Variants in CHRDL1 observed in about 807,000 individuals in gnomAD.
The protein encoded by CHRDL1 is chordin like 1.
Under a neutral mutation model 40.9 loss-of-function variants are expected in CHRDL1, and 19 were observed. The ratio of observed to expected loss-of-function variants is 0.46; its 90% confidence interval spans 0.32 to 0.68. The LOEUF is 0.68. CHRDL1 is among the 30% of genes least tolerant of loss of function. CHRDL1 has a pLI of 0.03. For synonymous variants in CHRDL1, 136 were observed against 123.4 expected, an observed-to-expected ratio of 1.10 and a Z score of -0.68; for missense variants, 329 against 352.1, an observed-to-expected ratio of 0.93 and a Z score of 0.53.
chrX:110,686,378 G>A (rs2070015376), intron 9 of CHRDL1, among the ~76,000 whole-genome samples: 1 of 111,729 alleles, frequency 9.0e-6, no homozygotes, highest in Non-Finnish European at 1.9e-5. Flanking sequence ...GATTCAAATT[G>A]GAATATTATA....
chrX:110,788,393 TG>T (rs2090048676), intron 2 of CHRDL1, among the ~76,000 whole-genome samples: 1 of 111,732 alleles, frequency 8.9e-6, no homozygotes, highest in African/African-American at 3.3e-5. Context: ...TTGACCATAA[TG>T]GCATCCCCCG....
chrX:110,683,257 C>G (rs1178215931), intron 9 of CHRDL1, among the ~76,000 whole-genome samples: 1 of 111,249 alleles, frequency 9.0e-6, no homozygotes, highest in Non-Finnish European at 1.9e-5. Context: ...CTTGAAAATG[C>G]TAAGAAAAGC....
At chrX:110,681,793 T>A (rs2069903667) in intron 9 of CHRDL1, 144 bp from the exon 10 acceptor site, 1 of 481,377 alleles carries the variant, frequency 2.1e-6, no homozygotes, top group Admixed American at 3.8e-5. Context: ...GAGACAGAAA[T>A]TCCACCCATA....
At chrX:110,716,241 C>G (rs1287666199) in intron 6 of CHRDL1, among the ~76,000 whole-genome samples, 1 of 110,910 alleles carries the variant, frequency 9.0e-6, no homozygotes, top group East Asian at 2.8e-4. Context: ...CCATCTACCA[C>G]AGTCAATCAG....
At chrX:110,764,095 AT>A (rs766187080) in intron 2 of CHRDL1, among the ~76,000 whole-genome samples, 5 of 109,146 alleles carry the variant, frequency 4.6e-5, no homozygotes, top group African/African-American at 6.7e-5. Context: ...TTTTGATAGG[AT>A]TTTTTTTTCT....
intron 2 of CHRDL1, 122 bp downstream of exon 2, chrX:110,791,966 C>T (rs2090109542): frequency 2.2e-6 from 1 of 451,798 alleles, no homozygotes; most frequent in South Asian, 4.1e-5. Flanking sequence ...GTAACATTCA[C>T]TTTCTTCTCT....
Position 110,681,550 on chromosome X carries a change from G to T in CHRDL1, c.1088C>A (p.Thr363Asn). ...ESVFMEDGET[T>N]RKIALETERP... is the part of the protein sequence containing the mutation. ...CTCAGTCTCCAGTGCTATTTTTCTG[G>T]TTGTCTCCCCATCCTCCATGAATAC... is the stretch of plus-strand genomic sequence containing the variant. Residue 363 changes from threonine (T) to asparagine (N), a missense_variant, in exon 10 of 12, where the codon ACC becomes AAC. By Grantham distance (65) the Thr-to-Asn change is moderately conservative (BLOSUM62 0). Transcript: ENST00000372042. 1 of 1,206,386 alleles carries T rather than the reference G, an allele frequency of 8.3e-7. No homozygotes were observed.
chrX:110,679,511 T>G, intron 10 of CHRDL1, 86 bp from the exon 11 acceptor site: 1 of 621,445 alleles, frequency 1.6e-6, no homozygotes, highest in Middle Eastern at 4.3e-4. Flanking sequence ...GCTCAGCATA[T>G]CATTTCATTA....
chrX:110,701,008 T>C (rs1325750001), intron 6 of CHRDL1, among the ~76,000 whole-genome samples: 1 of 112,275 alleles, frequency 8.9e-6, no homozygotes, highest in African/African-American at 3.2e-5. Context: ...AATTTAACCA[T>C]CACTGTCACT....
rs187443552 is a variant in CHRDL1, at chrX:110,700,554, C to T, written c.609+100G>A. 280 of 565,850 alleles carry T rather than the reference C, an allele frequency of 4.9e-4. 1 individual carries two copies. Among genetic ancestry groups the T allele is most frequent in the East Asian group, 3.5e-3 (105 of 29,702 alleles). The allele number at this position is 565,850 out of a possible 1,213,427, so 46.6% of individuals were successfully genotyped here. On this transcript the variant is annotated intron_variant, in intron 7 of 11. Coordinates refer to ENST00000372042, the MANE Select transcript of CHRDL1 (RefSeq NM_001143981.2). Reference sequence around the variant, plus strand: ...AGGGAAGAAAAATGGTGTTAGAAATCGGGCCTTTTTTTTGGATTTGCTAGA... The same window carrying T: ...AGGGAAGAAAAATGGTGTTAGAAATTGGGCCTTTTTTTTGGATTTGCTAGA...
At position 110,743,302 on chromosome X, in the gene CHRDL1, T is replaced by C. The variant is rs747847181; in HGVS notation, c.301+16359A>G. ...GCTGTTCAGCCTGACCAATGCTGAC[T>C]TTGGGTGGGGGCTTAGTGTTTGGTC... On this transcript the variant is annotated intron_variant, in intron 4 of 11. Transcript: ENST00000372042. Among the ~76,000 whole-genome samples the C allele has an allele frequency of 8.1e-4, 91 of 112,524 alleles. 1 individual carries two copies. The Admixed American group carries it at 8.2e-3, about 10-fold the overall frequency.
In CHRDL1 at chrX:110,762,736, G is replaced by A; in HGVS notation, c.166C>T (p.Pro56Ser). Residue 56 changes from proline to serine, a missense_variant, in exon 3 of 12, where the codon CCT (proline) becomes TCT (serine). Physicochemically the swap from Pro to Ser is moderately conservative, Grantham distance 74. Coordinates refer to ENST00000372042, the MANE Select transcript of CHRDL1 (RefSeq NM_001143981.2). ...TTCACGCAGTAAACCAACCCATAAGGTTCCAGGTAAGGATGCCATCTCTCA... is the reference window on the plus strand; with the variant it reads ...TTCACGCAGTAAACCAACCCATAAGATTCCAGGTAAGGATGCCATCTCTCA... ...VGERWHPYLEPYGLVYCVNCI... is the reference protein window; with the variant it reads ...VGERWHPYLESYGLVYCVNCI... 1.7e-6 allele frequency: 2 copies of A among 1,192,037 alleles called. No homozygotes were observed. The highest frequency in any genetic ancestry group is 1.1e-6 in the Non-Finnish European group (1 of 879,433).
intron 4 of CHRDL1, among the ~76,000 whole-genome samples, chrX:110,738,599 C>T (rs905765645): frequency 2.7e-5 from 3 of 109,431 alleles, no homozygotes; most frequent in African/African-American, 6.7e-5. Context: ...AAAATTAGCT[C>T]GGCGTGGTGG....
chrX:110,770,593 T>C (rs1236400455), intron 2 of CHRDL1, among the ~76,000 whole-genome samples: 3 of 111,032 alleles, frequency 2.7e-5, no homozygotes, highest in Non-Finnish European at 3.8e-5. Context: ...AGATCAAAAC[T>C]GGATCTTTAG....
intron 6 of CHRDL1, among the ~76,000 whole-genome samples, chrX:110,701,349 G>A (rs1418465699): frequency 2.7e-5 from 3 of 111,768 alleles, no homozygotes; most frequent in African/African-American, 6.5e-5. Flanking sequence ...CAAGCGAATG[G>A]GAAGAGCCTT....
chrX:110,773,161 G>C (rs1211250604), intron 2 of CHRDL1, among the ~76,000 whole-genome samples: 1 of 111,801 alleles, frequency 8.9e-6, no homozygotes, highest in Non-Finnish European at 1.9e-5. Context: ...TTCCCAGGGT[G>C]GTAGTCTGTA....
At chrX:110,703,784 G>A (rs7876352) in intron 6 of CHRDL1, among the ~76,000 whole-genome samples, 7,639 of 111,863 alleles carry the variant, frequency 0.068, 625 homozygotes, top group African/African-American at 0.24. Flanking sequence ...ATACTGCACA[G>A]CATAAACCGA....
At chrX:110,707,541 G>A (rs1412288091) in intron 6 of CHRDL1, among the ~76,000 whole-genome samples, 2 of 111,963 alleles carry the variant, frequency 1.8e-5, no homozygotes, top group Admixed American at 1.9e-4. Flanking sequence ...AGCAATGGAG[G>A]AAAAGATTCC....
At chrX:110,787,539 T>C (rs2090036463) in intron 2 of CHRDL1, among the ~76,000 whole-genome samples, 1 of 112,731 alleles carries the variant, frequency 8.9e-6, no homozygotes, top group Admixed American at 9.4e-5. Flanking sequence ...TCACCTCAAA[T>C]GACCAAGGGA....
Sources: allele counts gnomAD v4.1 joint callset (sites outside exome capture counted in the v4.1 genomes callset), GRCh38; gene constraint gnomAD v4.1.1; transcripts MANE v1.5; gene names NCBI Gene and HGNC (gene_info 2026-07-23, HGNC 2026-07-21).